Variants in MYOCD observed in about 807,000 individuals in gnomAD.
MYOCD encodes the protein myocardin.
Under a neutral mutation model 96.1 loss-of-function variants are expected in MYOCD, and 32 were observed. The ratio of observed to expected loss-of-function variants is 0.33; its 90% CI spans 0.25 to 0.45. MYOCD has a LOEUF of 0.45. Ranked by LOEUF, MYOCD falls within the 20% of genes least tolerant of loss-of-function variation. The pLI, the probability that MYOCD is intolerant of heterozygous loss-of-function variation, is 1.00. For missense variants in MYOCD, 1,133 were observed against 1,200.6 expected (o/e 0.94, Z 0.83); for synonymous variants, 469 against 469.0 (o/e 1.00, Z 0.00).
At chr17:12,694,105 A>G (rs1324598295) in intron 1 of MYOCD, among the ~76,000 whole-genome samples, 2 of 152,192 alleles carry the variant, frequency 1.3e-5, no homozygotes, top group Non-Finnish European at 2.9e-5. Flanking sequence ...GGGAGTGGAA[A>G]GAAGGCATGG....
intron 1 of MYOCD, among the ~76,000 whole-genome samples, chr17:12,688,735 C>CTCCTTCCTTCCTTGCT: frequency 6.7e-6 from 1 of 150,350 alleles, no homozygotes; most frequent in African/African-American, 2.4e-5. Flanking sequence ...CTTCCTCTCT[C>CTCCTTCCTTCCTTGCT]TCCTTCCTTC....
intron 7 of MYOCD, 70 bp downstream of exon 7, chr17:12,739,398 T>A (rs552989519): frequency 1.0e-4 from 149 of 1,469,746 alleles, no homozygotes; most frequent in Non-Finnish European, 1.3e-4. Context: ...AGCAGAACTT[T>A]CTGAGTTAGG....
At chr17:12,748,582 G>A (rs1488717550) in intron 9 of MYOCD, among the ~76,000 whole-genome samples, 1 of 152,146 alleles carries the variant, frequency 6.6e-6, no homozygotes, top group Non-Finnish European at 1.5e-5. Context: ...GGGAAGAGGT[G>A]TATATAAACC....
Position 12,739,285 on chromosome 17 carries a change from T to G in MYOCD, c.674T>G (p.Leu225Arg), listed in dbSNP as rs763274360. The G allele has an allele frequency of 2.5e-6, 4 of 1,609,082 alleles. No homozygotes were observed. The highest frequency in any genetic ancestry group is 1.7e-4 in the Middle Eastern group (1 of 6,056). ...CAGTCAGATGCGGGGAAGCAGGGGC[T>G]TGGCCCCCCCAGCACCCCCATAGCC... ...SHQSDAGKQG[L>R]GPPSTPIAVH... is the part of the protein sequence containing the mutation. The change falls in exon 7 of 14, where the codon CTT (leucine) becomes CGT (arginine). Residue 225 changes from leucine to arginine, a missense_variant. Leu to Arg is a moderately radical substitution (Grantham distance 102). Transcript: ENST00000425538.
chr17:12,753,910 G>A (rs906031011), intron 10 of MYOCD, among the ~76,000 whole-genome samples: 1 of 152,124 alleles, frequency 6.6e-6, no homozygotes, highest in East Asian at 1.9e-4. Flanking sequence ...GCCAGGCCCC[G>A]TTCTCATCTC....
At chr17:12,736,478 C>A in intron 6 of MYOCD, 142 bp downstream of exon 6, 1 of 798,638 alleles carries the variant, frequency 1.3e-6, no homozygotes, top group Non-Finnish European at 2.0e-6. Context: ...ATTTTGATGC[C>A]TCTTCTCACT....
At chr17:12,729,008 T>A (rs1026407058) in intron 5 of MYOCD, among the ~76,000 whole-genome samples, 5 of 152,126 alleles carry the variant, frequency 3.3e-5, no homozygotes, top group Admixed American at 3.3e-4. Flanking sequence ...ACCCTCCTAT[T>A]CACTAAGAAT....
In MYOCD at chr17:12,753,043, A is replaced by G. The variant is rs1362351191; in HGVS notation, c.1755A>G (p.Val585=). ...CCAGCTGTCCTTTTGCATCCCAAGT[A>G]CCTGTGAAAAGACAAAGCAGCAGCT... ...AVSSCPFASQ[V]PVKRQSSSSE... The change falls in exon 10 of 14, where the codon GTA becomes GTG. Residue 585 remains valine (V), a synonymous_variant. Transcript: ENST00000425538. 6.2e-7 allele frequency: 1 copy of G among 1,614,140 alleles called. No individual in the cohort carries two copies. Among genetic ancestry groups the G allele is most frequent in the East Asian group, 2.2e-5 (1 of 44,874 alleles).
In MYOCD at chr17:12,763,247, T is replaced by C; in HGVS notation, c.2564T>C (p.Leu855Pro). The C allele has an allele frequency of 6.2e-7, 1 of 1,613,976 alleles. No individual in the cohort carries two copies. The highest frequency in any genetic ancestry group is 8.5e-7 in the Non-Finnish European group (1 of 1,179,920). The stretch of plus-strand genomic sequence containing the variant: ...TATGCCACCGACAGTGATGAGCATC[T>C]TGAAGTCTTATTAAATTCCCAGAGC... ...DPYATDSDEH[L>P]EVLLNSQSPL... The change falls in exon 14 of 14, where the codon CTT becomes CCT. Residue 855 changes from leucine (L) to proline (P), a missense_variant. Leu to Pro is a moderately conservative substitution (Grantham distance 98, BLOSUM62 -3). Coordinates refer to ENST00000425538, the MANE Select transcript of MYOCD (RefSeq NM_001146312.3).
intron 1 of MYOCD, among the ~76,000 whole-genome samples, chr17:12,687,402 A>G (rs2030182033): frequency 1.3e-5 from 2 of 152,202 alleles, no homozygotes; most frequent in African/African-American, 4.8e-5. Flanking sequence ...CACATAGGCA[A>G]GGCAGAGCCA....
chr17:12,705,945 A>G (rs1257606030), intron 2 of MYOCD: 3 of 152,244 alleles, frequency 2.0e-5, no homozygotes, highest in Non-Finnish European at 2.9e-5. Flanking sequence ...AGTTCAGTAT[A>G]CAACAAGCAG....
At chr17:12,700,428 T>TTTTTTTTTTTC (rs397856913) in intron 1 of MYOCD, among the ~76,000 whole-genome samples, 1 of 140,878 alleles carries the variant, frequency 7.1e-6, no homozygotes, top group Non-Finnish European at 1.5e-5. Context: ...TTTTTTTTTT[T>TTTTTTTTTTTC]GAGATGGAGT....
intron 2 of MYOCD, among the ~76,000 whole-genome samples, chr17:12,707,930 T>G (rs909737566): frequency 1.3e-5 from 2 of 152,046 alleles, no homozygotes; most frequent in African/African-American, 2.4e-5. Flanking sequence ...AATTTTTTAA[T>G]TGTTACGTCT....
At chr17:12,676,945 G>A (rs900246597) in intron 1 of MYOCD, among the ~76,000 whole-genome samples, 7 of 152,116 alleles carry the variant, frequency 4.6e-5, no homozygotes, top group Non-Finnish European at 1.5e-5. Context: ...AATTTTTGAG[G>A]TTTTAGTGGA....
intron 6 of MYOCD, among the ~76,000 whole-genome samples, chr17:12,737,733 C>T (rs1440331734): frequency 1.3e-5 from 2 of 152,132 alleles, no homozygotes; most frequent in African/African-American, 2.4e-5. Context: ...CTGAAAAGTA[C>T]CATACAGATA....
intron 1 of MYOCD, among the ~76,000 whole-genome samples, chr17:12,681,338 A>G (rs568935721): frequency 1.9e-4 from 29 of 152,282 alleles, no homozygotes; most frequent in Admixed American, 1.8e-3. Context: ...TTAACATGAA[A>G]GCCTCAAGCT....
At chr17:12,742,861 C>A (rs112250086) in intron 7 of MYOCD, among the ~76,000 whole-genome samples, 8,529 of 152,146 alleles carry the variant, frequency 0.056, 635 homozygotes, top group African/African-American at 0.17. Flanking sequence ...CATGAGCCAC[C>A]GCGCCCGGCC....
Position 12,666,081 on chromosome 17 carries a change from G to A in MYOCD, c.-108G>A, listed in dbSNP as rs1184499536. On this transcript the variant is annotated 5_prime_UTR_variant, in exon 1 of 14. Coordinates refer to ENST00000425538, the MANE Select transcript of MYOCD (RefSeq NM_001146312.3). ...ACCCAGGGGAGCTCACGGAGAGTTG[G>A]ATGAATTCTGGGTTGTTAGCTGCGG... The A allele has an allele frequency of 2.6e-6, 2 of 781,806 alleles. No individual in the cohort carries two copies. Among genetic ancestry groups the A allele is most frequent in the African/African-American group, 1.7e-5 (1 of 58,296 alleles). 48.4% of individuals were successfully genotyped at this position (781,806 alleles called of 1,614,324 possible).
chr17:12,679,127 C>T (rs1416335963), intron 1 of MYOCD, among the ~76,000 whole-genome samples: 2 of 152,208 alleles, frequency 1.3e-5, no homozygotes, highest in Non-Finnish European at 2.9e-5. Flanking sequence ...GGAACATGGT[C>T]TTTTCAGATA....
Sources: gnomAD v4.1 joint callset for allele counts (sites outside exome capture counted in the v4.1 genomes callset) on GRCh38, gnomAD v4.1.1 for gene constraint, MANE v1.5 for transcripts, NCBI Gene and HGNC (gene_info 2026-07-23, HGNC 2026-07-21) for gene names.